The following NCF1 variants were observed in gnomAD, a reference collection of about 807,000 sequenced individuals.
NCF1 encodes the protein neutrophil cytosolic factor 1.
Under a neutral mutation model 34.9 loss-of-function variants are expected in NCF1, and 8 were observed. That is an observed-to-expected ratio of 0.23 (90% CI 0.13 to 0.41). The LOEUF (loss-of-function observed/expected upper bound fraction) is 0.41. NCF1 is among the 10% of genes least tolerant of loss of function. NCF1 has a pLI of 1.00. For synonymous variants in NCF1, 57 were observed against 146.3 expected, an observed-to-expected ratio of 0.39 and a Z score of 4.41; for missense variants, 122 against 362.4, an observed-to-expected ratio of 0.34 and a Z score of 5.39.
At chr7:74,781,912 T>C (rs1796575442) in intron 5 of NCF1, among the ~76,000 whole-genome samples, 5 of 151,070 alleles carry the variant, frequency 3.3e-5, no homozygotes, top group Admixed American at 2.7e-4. Context: ...AATTACCTCT[T>C]GAAACGTACT....
At chr7:74,788,772 A>C in intron 10 of NCF1, 68 bp downstream of exon 10, 1 of 1,510,378 alleles carries the variant, frequency 6.6e-7, no homozygotes, top group Non-Finnish European at 8.9e-7. Context: ...AGGCGGGGCC[A>C]GAGGTAGGGC....
intron 8 of NCF1, among the ~76,000 whole-genome samples, chr7:74,786,941 C>T (rs1455053882): frequency 2.4e-4 from 33 of 136,322 alleles, no homozygotes; most frequent in African/African-American, 8.3e-4. Flanking sequence ...GCAAAGTTTT[C>T]TTTTGTTTTT....
chr7:74,785,907 T>G, intron 8 of NCF1, among the ~76,000 whole-genome samples: 2 of 125,380 alleles, frequency 1.6e-5, no homozygotes, highest in Admixed American at 8.1e-5. Flanking sequence ...AAAAAAAAGA[T>G]TACTTTCTTT....
At chr7:74,778,650 A>T (rs1645936781) in intron 2 of NCF1, among the ~76,000 whole-genome samples, 1 of 146,928 alleles carries the variant, frequency 6.8e-6, no homozygotes, top group South Asian at 2.3e-4. Flanking sequence ...TCTGCTAATC[A>T]AGGAATCCAG....
chr7:74,785,950 C>T (rs1311331960), intron 8 of NCF1, among the ~76,000 whole-genome samples: 2 of 132,066 alleles, frequency 1.5e-5, no homozygotes, highest in African/African-American at 5.7e-5. Context: ...AGCTTTCTTG[C>T]AGTCAGGTGC....
chr7:74,783,269 C>T lies in NCF1; in HGVS notation c.574+208C>T, dbSNP rs1409677209. ...GGCATCTGTGCATGGCAGGCCGGGG[C>T]GGGGCATGTCTGCGTGTTCTGTCTG... On this transcript the variant is annotated intron_variant, in intron 6 of 10. Coordinates refer to ENST00000289473, the MANE Select transcript of NCF1 (RefSeq NM_000265.7). 3.3e-4 allele frequency: 299 copies of T among 901,856 alleles called. 2 individuals are homozygous for T. Among genetic ancestry groups the T allele is most frequent in the Non-Finnish European group, 4.8e-4 (270 of 560,580 alleles). The allele number at this position is 901,856 out of a possible 1,614,324, so 55.9% of individuals were successfully genotyped here.
At chr7:74,783,207 C>T (rs782009050) in intron 6 of NCF1, 146 bp downstream of exon 6, 174 of 1,482,572 alleles carry the variant, frequency 1.2e-4, no homozygotes, top group Non-Finnish European at 1.5e-4. Context: ...CACTGTGGGT[C>T]GCCTTCTGTC....
At chr7:74,788,815 CAG>C (rs1796722943) in intron 10 of NCF1, 111 bp downstream of exon 10, 1 of 1,345,486 alleles carries the variant, frequency 7.4e-7, no homozygotes, top group Non-Finnish European at 1.0e-6. Flanking sequence ...AGGGCGGAAT[CAG>C]AGGGAGAGGC....
At chr7:74,783,189 C>T (rs1796607272) in intron 6 of NCF1, 128 bp downstream of exon 6, 2 of 1,520,482 alleles carry the variant, frequency 1.3e-6, no homozygotes, top group African/African-American at 2.8e-5. Flanking sequence ...CCCTAAATGT[C>T]CTCCCCACAC....
At chr7:74,777,534 C>T in intron 2 of NCF1, 187 bp downstream of exon 2, 1 of 688,840 alleles carries the variant, frequency 1.5e-6, no homozygotes, top group Non-Finnish European at 2.4e-6. Flanking sequence ...CTCTGAACAC[C>T]TCATGTTCTC....
chr7:74,787,353 T>C (rs1796692492), intron 8 of NCF1, among the ~76,000 whole-genome samples: 1 of 152,102 alleles, frequency 6.6e-6, no homozygotes, highest in South Asian at 2.1e-4. Flanking sequence ...GACAGGAGAA[T>C]TGCTTGAACT....
At chr7:74,787,693 C>T (rs1255958782) in intron 8 of NCF1, among the ~76,000 whole-genome samples, 4 of 145,770 alleles carry the variant, frequency 2.7e-5, no homozygotes, top group Non-Finnish European at 6.0e-5. Context: ...ACTGGGATTA[C>T]AGGCGTGAGC....
intron 5 of NCF1, among the ~76,000 whole-genome samples, chr7:74,781,985 T>C (rs1221269214): frequency 1.3e-5 from 2 of 151,092 alleles, no homozygotes; most frequent in Admixed American, 1.3e-4. Flanking sequence ...GACTTCAACA[T>C]ATGAATTTTG....
intron 1 of NCF1, among the ~76,000 whole-genome samples, chr7:74,775,639 T>C (rs1389746514): frequency 2.0e-5 from 1 of 51,228 alleles, no homozygotes; most frequent in Admixed American, 2.3e-4. Context: ...ATCCTGCTTG[T>C]CCTCTGCAGT....
At chr7:74,783,854 G>T (rs1435081898) in intron 7 of NCF1, among the ~76,000 whole-genome samples, 1 of 152,048 alleles carries the variant, frequency 6.6e-6, no homozygotes, top group Non-Finnish European at 1.5e-5. Context: ...AGAGTGGGAG[G>T]CCAGTGGTGT....
At chr7:74,787,362 C>T (rs1257145788) in intron 8 of NCF1, among the ~76,000 whole-genome samples, 1 of 152,092 alleles carries the variant, frequency 6.6e-6, no homozygotes, top group Non-Finnish European at 1.5e-5. Context: ...ATTGCTTGAA[C>T]TTGGGAAGCA....
intron 1 of NCF1, among the ~76,000 whole-genome samples, chr7:74,775,997 A>T (rs1554412972): frequency 2.0e-5 from 2 of 102,110 alleles, no homozygotes; most frequent in Non-Finnish European, 3.8e-5. Context: ...CCCAGGCTGG[A>T]GTGCAATGGC....
At chr7:74,776,041 G>A (rs1179492352) in intron 1 of NCF1, among the ~76,000 whole-genome samples, 1 of 58,516 alleles carries the variant, frequency 1.7e-5, no homozygotes, top group Admixed American at 2.0e-4. Flanking sequence ...CCGCCTCCCA[G>A]GTTCAAGCAA....
chr7:74,777,329 C>T lies in NCF1; in HGVS notation c.135C>T (p.Thr45=), dbSNP rs782442373. Residue 45 remains threonine, a synonymous_variant, in exon 2 of 11, where the codon ACC becomes ACT. Coordinates refer to ENST00000289473, the MANE Select transcript of NCF1 (RefSeq NM_000265.7). ...AGAAGGTGGTCTACCGGCGCTTCAC[C>T]GAGATCTACGAGTTCCATGTGAGTG... ...LSEKVVYRRF[T]EIYEFHKTLK... is the part of the protein sequence containing the mutation. The T allele has an allele frequency of 5.5e-5, 87 of 1,593,088 alleles. No individual in the cohort carries two copies. The highest frequency in any genetic ancestry group is 6.8e-5 in the African/African-American group (5 of 73,346).
Sources: gnomAD v4.1 joint callset for allele counts (sites outside exome capture counted in the v4.1 genomes callset) on GRCh38, gnomAD v4.1.1 for gene constraint, MANE v1.5 for transcripts, NCBI Gene and HGNC (gene_info 2026-07-23, HGNC 2026-07-21) for gene names.